Variants in MORC1 observed in about 807,000 individuals in gnomAD.
MORC1 encodes MORC family CW-type zinc finger 1.
MORC1 carries 59 observed loss-of-function variants against 134.9 expected under a neutral mutation model. The ratio of observed to expected loss-of-function variants is 0.44; its 90% confidence interval spans 0.35 to 0.54. The LOEUF is 0.54. MORC1 is among the 20% of genes least tolerant of loss of function. The pLI, the probability that MORC1 is intolerant of heterozygous loss-of-function variation, is 0.00. For missense variants in MORC1, 947 were observed against 1,134.5 expected (o/e 0.83, Z 2.37); for synonymous variants, 395 against 391.7 (o/e 1.01, Z -0.10).
At chr3:109,002,130 C>T (rs1308812348) in intron 20 of MORC1, among the ~76,000 whole-genome samples, 1 of 152,212 alleles carries the variant, frequency 6.6e-6, no homozygotes, top group Non-Finnish European at 1.5e-5. Context: ...CCTAACTGCT[C>T]TGCCCACATT....
chr3:109,048,868 A>G (rs374113234), intron 14 of MORC1, among the ~76,000 whole-genome samples: 48 of 152,316 alleles, frequency 3.2e-4, no homozygotes, highest in African/African-American at 1.1e-3. Flanking sequence ...TAAAGGCCCT[A>G]TCTCCAAATA....
At chr3:109,024,596 T>G (rs191710437) in intron 17 of MORC1, among the ~76,000 whole-genome samples, 1 of 152,158 alleles carries the variant, frequency 6.6e-6, no homozygotes, top group Admixed American at 6.5e-5. Context: ...AGTTAAGAGA[T>G]AGGGTGTGCA....
intron 3 of MORC1, among the ~76,000 whole-genome samples, chr3:109,108,685 C>G (rs915723118): frequency 2.0e-5 from 3 of 152,068 alleles, no homozygotes; most frequent in Admixed American, 6.6e-5. Flanking sequence ...ATCACAAGGT[C>G]AGGAGATCAA....
chr3:108,983,574 CT>C (rs988997889), intron 23 of MORC1, among the ~76,000 whole-genome samples: 1 of 152,140 alleles, frequency 6.6e-6, no homozygotes, highest in Non-Finnish European at 1.5e-5. Flanking sequence ...CTTTAGGAAC[CT>C]GTATGCAATG....
intron 14 of MORC1, among the ~76,000 whole-genome samples, chr3:109,041,329 G>C (rs971853309): frequency 6.6e-6 from 1 of 151,700 alleles, no homozygotes; most frequent in Non-Finnish European, 1.5e-5. Context: ...AGAAAAAAAA[G>C]AGAAAGCAGA....
chr3:109,006,941 C>T (rs945403475), intron 18 of MORC1, 88 bp downstream of exon 18: 1 of 1,037,858 alleles, frequency 9.6e-7, no homozygotes, highest in African/African-American at 1.6e-5. Flanking sequence ...ACCTCATAAA[C>T]CATGATGACA....
At chr3:109,079,753 T>C (rs1294207126) in intron 8 of MORC1, among the ~76,000 whole-genome samples, 1 of 152,038 alleles carries the variant, frequency 6.6e-6, no homozygotes, top group Non-Finnish European at 1.5e-5. Context: ...TAATGAAAAC[T>C]ATTAGAATAA....
intron 8 of MORC1, among the ~76,000 whole-genome samples, chr3:109,082,143 C>T (rs1232053781): frequency 6.6e-6 from 1 of 152,038 alleles, no homozygotes; most frequent in Non-Finnish European, 1.5e-5. Context: ...TAGGACTTTC[C>T]CTATTTAGGA....
At chr3:109,038,948 A>G (rs186257035) in intron 14 of MORC1, among the ~76,000 whole-genome samples, 1 of 152,036 alleles carries the variant, frequency 6.6e-6, no homozygotes, top group African/African-American at 2.4e-5. Context: ...ACAGAGTCTC[A>G]CTCCTTCACT....
At chr3:109,004,167 C>CT (rs1165438279) in intron 20 of MORC1, among the ~76,000 whole-genome samples, 2 of 152,236 alleles carry the variant, frequency 1.3e-5, no homozygotes, top group African/African-American at 4.8e-5. Flanking sequence ...CCCACCATGA[C>CT]TACCCACTGT....
chr3:109,082,547 A>G (rs139734028), intron 8 of MORC1, among the ~76,000 whole-genome samples: 176 of 152,304 alleles, frequency 1.2e-3, no homozygotes, highest in African/African-American at 4.1e-3. Flanking sequence ...AACACAAAAA[A>G]GTAATTCAGT....
chr3:109,062,417 T>C (rs900424370), intron 10 of MORC1, among the ~76,000 whole-genome samples: 9 of 150,588 alleles, frequency 6.0e-5, no homozygotes, highest in African/African-American at 2.2e-4. Flanking sequence ...ATGTAGAACA[T>C]CCTTCTTTTT....
At chr3:109,070,371 A>G (rs1950291764) in intron 8 of MORC1, among the ~76,000 whole-genome samples, 1 of 152,200 alleles carries the variant, frequency 6.6e-6, no homozygotes, top group African/African-American at 2.4e-5. Flanking sequence ...ACGGAAGCAA[A>G]ACCAACATAA....
At chr3:109,046,545 G>A (rs1372021493) in intron 14 of MORC1, among the ~76,000 whole-genome samples, 1 of 152,000 alleles carries the variant, frequency 6.6e-6, no homozygotes, top group Non-Finnish European at 1.5e-5. Flanking sequence ...CCAATACCTG[G>A]GTTAGACTAC....
intron 8 of MORC1, among the ~76,000 whole-genome samples, chr3:109,078,409 A>G (rs1020865655): frequency 1.3e-5 from 2 of 152,030 alleles, no homozygotes; most frequent in Non-Finnish European, 2.9e-5. Flanking sequence ...CAAAAAGCAA[A>G]CATATGCACT....
intron 8 of MORC1, among the ~76,000 whole-genome samples, chr3:109,072,682 G>A (rs1182862568): frequency 6.6e-6 from 1 of 152,152 alleles, no homozygotes; most frequent in African/African-American, 2.4e-5. Flanking sequence ...AGGAAAGGGA[G>A]ATAAAAACAT....
chr3:108,965,865 G>A (rs555820331), intron 26 of MORC1, among the ~76,000 whole-genome samples: 1 of 152,208 alleles, frequency 6.6e-6, no homozygotes, highest in East Asian at 1.9e-4. Flanking sequence ...ATGAGACCAA[G>A]AATGTTTATA....
chr3:109,070,567 T>C (rs188204564), intron 8 of MORC1, among the ~76,000 whole-genome samples: 9 of 152,186 alleles, frequency 5.9e-5, no homozygotes, highest in Admixed American at 5.2e-4. Flanking sequence ...TGCTCTTTAC[T>C]ACTCGGTCAC....
intron 5 of MORC1, 42 bp from the exon 6 acceptor site, chr3:109,099,508 A>C: frequency 6.9e-7 from 1 of 1,442,596 alleles, no homozygotes; most frequent in Non-Finnish European, 9.5e-7. Context: ...CACCTCAAAT[A>C]CTAAAAAGGA....
Sources: allele counts gnomAD v4.1 joint callset (sites outside exome capture counted in the v4.1 genomes callset), GRCh38; gene constraint gnomAD v4.1.1; transcripts MANE v1.5; gene names NCBI Gene and HGNC (gene_info 2026-07-23, HGNC 2026-07-21).